Variants in NLRP11 observed in about 807,000 individuals in gnomAD.
The protein encoded by NLRP11 is NACHT, LRR and PYD domains-containing protein 11.
Under a neutral mutation model 79.3 loss-of-function variants are expected in NLRP11, and 53 were observed. The observed-to-expected ratio is 0.67, with a 90% CI of 0.54 to 0.84. The LOEUF is 0.84. Ranked by LOEUF, NLRP11 falls within the 40% of genes least tolerant of loss-of-function variation. The pLI is 0.00. For synonymous variants in NLRP11, 518 were observed against 462.6 expected (o/e 1.12, Z -1.54); for missense variants, 1,264 against 1,255.0 (o/e 1.01, Z -0.11).
Position 55,801,557 on chromosome 19 carries a change from C to A in NLRP11, c.2171+15G>T, listed in dbSNP as rs553208701. On this transcript the variant is annotated intron_variant, in intron 5 of 9. Coordinates refer to ENST00000589093, the Ensembl canonical transcript of NLRP11. ...CCCTCACATGCACTGAGCTTTCAGC[C>A]GAGCAACAACTCACCTCAGATGACT... 9 of 1,612,160 alleles carry A rather than the reference C, an allele frequency of 5.6e-6. No individual in the cohort carries two copies.
chr19:55,818,077 T>C (rs1981321529), exon 2 of NLRP11: 1 of 1,614,034 alleles, frequency 6.2e-7, no homozygotes, highest in African/African-American at 1.3e-5. Flanking sequence ...ATCAAGAATC[T>C]TGCGTGCCAG....
chr19:55,828,815 T>G (rs1982472545), intron 1 of NLRP11, among the ~76,000 whole-genome samples: 1 of 152,208 alleles, frequency 6.6e-6, no homozygotes, highest in Non-Finnish European at 1.5e-5. Context: ...TAAGGAATGT[T>G]CCATAAGCTT....
chr19:55,822,788 A>G (rs966663285), intron 1 of NLRP11, among the ~76,000 whole-genome samples: 1 of 152,000 alleles, frequency 6.6e-6, no homozygotes, highest in Non-Finnish European at 1.5e-5. Context: ...GCTGATTGCT[A>G]GCACAGCAGT....
rs746383253 is a variant in NLRP11 at position 55,791,222 on chromosome 19, C to A, written c.2513+1079G>T. ...TGTTATAGAAAAAGGTTTCTAACCC[C>A]TATTCTACAGTATGAGTGAATTTGT... On this transcript the variant is annotated intron_variant, in intron 7 of 9. Coordinates refer to ENST00000589093, the Ensembl canonical transcript of NLRP11. 7.0e-4 allele frequency among the ~76,000 whole-genome samples: 107 copies of A among 152,164 alleles called. 1 individual carries two copies. Among genetic ancestry groups the A allele is most frequent in the Admixed American group, 1.2e-3 (18 of 15,280 alleles).
chr19:55,813,886 C>T (rs1337709594), intron 2 of NLRP11, among the ~76,000 whole-genome samples: 2 of 152,120 alleles, frequency 1.3e-5, no homozygotes, highest in Non-Finnish European at 2.9e-5. Context: ...AACTTGGGTT[C>T]ACTTCCCCCT....
chr19:55,812,145 T>C (rs1377279206), intron 2 of NLRP11, among the ~76,000 whole-genome samples: 5 of 152,176 alleles, frequency 3.3e-5, no homozygotes, highest in Non-Finnish European at 5.9e-5. Context: ...AATAGAAGCA[T>C]ATGTACGGAT....
Position 55,824,884 on chromosome 19 carries a change from A to C in NLRP11, c.-62-6648T>G, listed in dbSNP as rs1258704571. On this transcript the variant is annotated intron_variant, in intron 1 of 9. Coordinates refer to ENST00000589093, the Ensembl canonical transcript of NLRP11. ...AGAAAGTCAACAAGGATACCCAGGA[A>C]TTGAACTCAGCTCTGCACCAAGCGG... Among the ~76,000 whole-genome samples the C allele has an allele frequency of 2.3e-5, 2 of 87,168 alleles. 1 individual carries two copies. The highest frequency in any genetic ancestry group is 7.0e-4 in the East Asian group (2 of 2,860). 57.2% of individuals were successfully genotyped at this position (87,168 alleles called of 152,430 possible). A position where few individuals can be genotyped will look rare whatever the true frequency, so the allele number is the denominator to read the frequency against.
At chr19:55,802,472 A>G (rs1048071624) in intron 4 of NLRP11, among the ~76,000 whole-genome samples, 1 of 152,204 alleles carries the variant, frequency 6.6e-6, no homozygotes, top group Non-Finnish European at 1.5e-5. Flanking sequence ...GAGGTGAAAG[A>G]TCAAAAGGAG....
exon 7 of NLRP11, chr19:55,792,395 G>C (rs202160511): frequency 3.1e-6 from 5 of 1,613,938 alleles, no homozygotes; most frequent in Non-Finnish European, 4.2e-6. Flanking sequence ...AGGTCTAGTT[G>C]TCTTAGAGTT....
intron 1 of NLRP11, among the ~76,000 whole-genome samples, chr19:55,821,915 A>G (rs1981779403): frequency 6.6e-6 from 1 of 152,208 alleles, no homozygotes; most frequent in South Asian, 2.1e-4. Flanking sequence ...ATTGACACTT[A>G]GCATATTTGC....
At chr19:55,793,367 G>A (rs1012964486) in intron 6 of NLRP11, among the ~76,000 whole-genome samples, 2 of 151,856 alleles carry the variant, frequency 1.3e-5, no homozygotes, top group South Asian at 4.2e-4. Flanking sequence ...TCAGGACTTC[G>A]AGACTAGCCT....
At chr19:55,793,394 C>T (rs190708116) in intron 6 of NLRP11, among the ~76,000 whole-genome samples, 74 of 151,682 alleles carry the variant, frequency 4.9e-4, no homozygotes, top group African/African-American at 1.7e-3. Flanking sequence ...CATGGTGAAA[C>T]CCCGTCTCTG....
At chr19:55,827,050 C>G (rs1235309549) in intron 1 of NLRP11, among the ~76,000 whole-genome samples, 1 of 145,928 alleles carries the variant, frequency 6.9e-6, no homozygotes, top group South Asian at 2.2e-4. Flanking sequence ...CAGCATGGTA[C>G]TGGTACCAAA....
chr19:55,833,585 G>A (rs1982978775), upstream of NLRP11, among the ~76,000 whole-genome samples: 1 of 151,764 alleles, frequency 6.6e-6, no homozygotes, highest in African/African-American at 2.4e-5. Context: ...CTAACACGGT[G>A]AAACCCCCGT....
Position 55,787,565 on chromosome 19 carries a change from G to A in NLRP11, c.2855+1242C>T, listed in dbSNP as rs369339941. 4.5e-4 allele frequency among the ~76,000 whole-genome samples: 68 copies of A among 152,218 alleles called. No homozygotes were observed. The East Asian group carries it at 0.011, about 26-fold the overall frequency. On this transcript the variant is annotated intron_variant, in intron 9 of 9. Coordinates refer to ENST00000589093, the Ensembl canonical transcript of NLRP11. ...TTGGCCAGGCTGGTCTCAAACTTCC[G>A]ACCTCAAGTGATCCACCCGCCTTAG...
At chr19:55,801,501 G>T in intron 5 of NLRP11, 71 bp downstream of exon 5, 1 of 1,230,400 alleles carries the variant, frequency 8.1e-7, no homozygotes, top group Non-Finnish European at 1.2e-6. Flanking sequence ...TTATTGAAGG[G>T]GCACCTCTAT....
chr19:55,834,257 A>G (rs1456743084), upstream of NLRP11, among the ~76,000 whole-genome samples: 2 of 152,214 alleles, frequency 1.3e-5, no homozygotes, highest in African/African-American at 2.4e-5. Context: ...TAACTGACCA[A>G]ACCACTTTTT....
chr19:55,804,523 G>A (rs892121392), intron 4 of NLRP11, among the ~76,000 whole-genome samples: 1 of 151,724 alleles, frequency 6.6e-6, no homozygotes, highest in African/African-American at 2.4e-5. Context: ...ACCAAATACT[G>A]CATGTTCTCG....
chr19:55,835,668 C>T (rs1983192651), upstream of NLRP11, among the ~76,000 whole-genome samples: 1 of 137,566 alleles, frequency 7.3e-6, no homozygotes, highest in Non-Finnish European at 1.5e-5. Flanking sequence ...ATGGTGAAAC[C>T]CTGTCTCTAC....
Sources: gnomAD v4.1 joint callset for allele counts (sites outside exome capture counted in the v4.1 genomes callset) on GRCh38, gnomAD v4.1.1 for gene constraint, MANE v1.5 for transcripts, NCBI Gene and HGNC (gene_info 2026-07-23, HGNC 2026-07-21) for gene names.